Variants in SPMAP2L observed in about 807,000 individuals in gnomAD.
The protein encoded by SPMAP2L is sperm microtubule associated protein 2-like.
the SPMAP2L span, among the ~76,000 whole-genome samples, chr4:56,625,834 T>C: frequency 6.6e-6 from 1 of 152,252 alleles, no homozygotes; most frequent in African/African-American, 2.4e-5. Context: ...ATGTAGTTCT[T>C]ATCTCCCCTA....
At chr4:56,546,393 C>A in the SPMAP2L span, among the ~76,000 whole-genome samples, 1 of 152,314 alleles carries the variant, frequency 6.6e-6, no homozygotes, top group African/African-American at 2.4e-5. Context: ...AGTTCCCAAA[C>A]TTGTCTGCTT....
the SPMAP2L span, among the ~76,000 whole-genome samples, chr4:56,588,860 G>C: frequency 6.6e-6 from 1 of 152,162 alleles, no homozygotes; most frequent in Non-Finnish European, 1.5e-5. Context: ...AATTATCCCA[G>C]CACCATTTGT....
chr4:56,584,834 C>A, the SPMAP2L span, among the ~76,000 whole-genome samples: 1 of 152,212 alleles, frequency 6.6e-6, no homozygotes, highest in African/African-American at 2.4e-5. Flanking sequence ...TAGAGATTAG[C>A]CCTTCAGCAA....
the SPMAP2L span, among the ~76,000 whole-genome samples, chr4:56,608,224 G>A: frequency 1.3e-3 from 192 of 152,258 alleles, no homozygotes; most frequent in African/African-American, 3.9e-3. Context: ...TTGACTGCTT[G>A]TAATAAAATG....
chr4:56,593,619 G>A, the SPMAP2L span: 1 of 1,603,830 alleles, frequency 6.2e-7, no homozygotes, highest in Non-Finnish European at 8.5e-7. Context: ...CAGAGATTTG[G>A]AGTGCCACTG....
the SPMAP2L span, among the ~76,000 whole-genome samples, chr4:56,623,917 G>A: frequency 1.3e-5 from 2 of 152,162 alleles, no homozygotes; most frequent in Admixed American, 6.5e-5. Context: ...CTGCTGAAAC[G>A]ATACCCAAAA....
chr4:56,596,715 A>C, the SPMAP2L span: 1 of 1,302,578 alleles, frequency 7.7e-7, no homozygotes, highest in Non-Finnish European at 9.9e-7. Flanking sequence ...GGCATAGCCC[A>C]AAGTCACTGG....
At chr4:56,590,610 T>C in the SPMAP2L span, among the ~76,000 whole-genome samples, 116 of 152,344 alleles carry the variant, frequency 7.6e-4, no homozygotes, top group African/African-American at 2.5e-3. Flanking sequence ...GTCACAGGCA[T>C]GATCCACCAC....
At chr4:56,603,191 C>G in the SPMAP2L span, 8 of 1,494,702 alleles carry the variant, frequency 5.4e-6, no homozygotes, top group Non-Finnish European at 7.2e-6. Context: ...AGGTTGATTT[C>G]TTTTTCCCCT....
chr4:56,583,276 A>T, the SPMAP2L span, among the ~76,000 whole-genome samples: 5 of 148,444 alleles, frequency 3.4e-5, no homozygotes. Flanking sequence ...TCCATCTGAG[A>T]AAAAAAAATA....
the SPMAP2L span, among the ~76,000 whole-genome samples, chr4:56,536,087 T>A: frequency 6.6e-6 from 1 of 152,228 alleles, no homozygotes; most frequent in Admixed American, 6.5e-5. Context: ...GAGGCTGTAA[T>A]GCCTGCTCCC....
At chr4:56,584,426 A>T in the SPMAP2L span, 27 of 921,654 alleles carry the variant, frequency 2.9e-5, no homozygotes, top group South Asian at 3.7e-4. Context: ...AGTTGATTGT[A>T]GTAATGGAAA....
At chr4:56,588,151 A>C in the SPMAP2L span, among the ~76,000 whole-genome samples, 41,179 of 151,944 alleles carry the variant, frequency 0.27, 7,396 homozygotes, top group African/African-American at 0.5. Context: ...CCTTAGCCCA[A>C]CTTTTAATGG....
At chr4:56,552,994 T>C in the SPMAP2L span, among the ~76,000 whole-genome samples, 3 of 152,052 alleles carry the variant, frequency 2.0e-5, no homozygotes, top group Non-Finnish European at 4.4e-5. Context: ...AAGTCCAGCT[T>C]TGCTGCCTGT....
chr4:56,540,637 GAGAA>G, the SPMAP2L span, among the ~76,000 whole-genome samples: 244 of 151,924 alleles, frequency 1.6e-3, 1 homozygote, highest in African/African-American at 5.7e-3. Flanking sequence ...AAGGAAGAAA[GAGAA>G]AGAAAGAAAA....
chr4:56,544,284 C>G, the SPMAP2L span, among the ~76,000 whole-genome samples: 1 of 152,078 alleles, frequency 6.6e-6, no homozygotes, highest in South Asian at 2.1e-4. Flanking sequence ...CCACCGTGCC[C>G]GGCCCCAATA....
chr4:56,625,843 T>C, the SPMAP2L span, among the ~76,000 whole-genome samples: 1 of 152,242 alleles, frequency 6.6e-6, no homozygotes, highest in African/African-American at 2.4e-5. Context: ...TTATCTCCCC[T>C]AGTAAAATTT....
At chr4:56,589,303 T>C in the SPMAP2L span, among the ~76,000 whole-genome samples, 1 of 152,194 alleles carries the variant, frequency 6.6e-6, no homozygotes, top group African/African-American at 2.4e-5. Flanking sequence ...TGCCTATTTT[T>C]ATACCAGCAC....
At chr4:56,554,615 C>A in the SPMAP2L span, among the ~76,000 whole-genome samples, 11 of 152,100 alleles carry the variant, frequency 7.2e-5, no homozygotes, top group African/African-American at 2.4e-4. Context: ...TATGGTTTAG[C>A]TTTTCATTCT....
Sources: allele counts gnomAD v4.1 joint callset (sites outside exome capture counted in the v4.1 genomes callset), GRCh38; gene constraint gnomAD v4.1.1; transcripts MANE v1.5; gene names NCBI Gene and HGNC (gene_info 2026-07-23, HGNC 2026-07-21).